The following ARHGAP6 variants were observed in gnomAD, a reference collection of about 807,000 sequenced individuals.
The protein encoded by ARHGAP6 is Rho GTPase activating protein 6.
Under a neutral mutation model 55.7 loss-of-function variants are expected in ARHGAP6, and 16 were observed. The observed-to-expected ratio is 0.29, with a 90% confidence interval of 0.19 to 0.44. The LOEUF (loss-of-function observed/expected upper bound fraction) is 0.44. Ranked by LOEUF, ARHGAP6 falls within the 20% of genes least tolerant of loss-of-function variation. The pLI, the probability that ARHGAP6 is intolerant of heterozygous loss-of-function variation, is 1.00. For synonymous variants in ARHGAP6, 382 were observed against 360.9 expected (o/e 1.06, Z -0.66); for missense variants, 698 against 808.9 (o/e 0.86, Z 1.66).
intron 9 of ARHGAP6, among the ~76,000 whole-genome samples, chrX:11,161,114 T>A (rs747549177): frequency 2.7e-5 from 3 of 111,989 alleles, no homozygotes; most frequent in African/African-American, 9.7e-5. Context: ...AGGTAAAAAA[T>A]TTGAAATGAT....
intron 1 of ARHGAP6, among the ~76,000 whole-genome samples, chrX:11,292,670 A>T (rs925927150): frequency 1.2e-4 from 13 of 112,094 alleles, no homozygotes; most frequent in Non-Finnish European, 2.1e-4. Context: ...CTTGTAAAAA[A>T]CAAAATTTAC....
chrX:11,642,745 A>T (rs1424168969), intron 1 of ARHGAP6, among the ~76,000 whole-genome samples: 1 of 111,698 alleles, frequency 9.0e-6, no homozygotes, highest in Non-Finnish European at 1.9e-5. Context: ...CAACTGGAAG[A>T]TCCACAGAGA....
intron 1 of ARHGAP6, among the ~76,000 whole-genome samples, chrX:11,345,240 T>G (rs1484151477): frequency 9.1e-6 from 1 of 110,011 alleles, no homozygotes; most frequent in Non-Finnish European, 1.9e-5. Context: ...ATATATACTA[T>G]AAAATCAATA....
chrX:11,312,450 C>T (rs1160298528), intron 1 of ARHGAP6, among the ~76,000 whole-genome samples: 2 of 111,826 alleles, frequency 1.8e-5, no homozygotes, highest in Non-Finnish European at 3.8e-5. Flanking sequence ...CAAATACTAT[C>T]TCCAAACCAA....
chrX:11,600,042 A>G (rs2051951049), intron 1 of ARHGAP6, among the ~76,000 whole-genome samples: 1 of 111,481 alleles, frequency 9.0e-6, no homozygotes, highest in African/African-American at 3.3e-5. Context: ...ATAATACCCT[A>G]TGTTCTAGGG....
At chrX:11,630,866 T>G (rs981203519) in intron 1 of ARHGAP6, among the ~76,000 whole-genome samples, 4 of 112,278 alleles carry the variant, frequency 3.6e-5, no homozygotes, top group Non-Finnish European at 7.5e-5. Flanking sequence ...AATGTTAATA[T>G]GAATAGCATC....
At chrX:11,146,260 G>T (rs761744408) in intron 10 of ARHGAP6, among the ~76,000 whole-genome samples, 92 of 112,606 alleles carry the variant, frequency 8.2e-4, no homozygotes, top group Non-Finnish European at 1.5e-3. Context: ...AGTGTTCTCT[G>T]CTCTTCTGGT....
chrX:11,570,670 C>T (rs981998290), intron 1 of ARHGAP6, among the ~76,000 whole-genome samples: 10 of 111,276 alleles, frequency 9.0e-5, no homozygotes, highest in Non-Finnish European at 1.5e-4. Context: ...TTTACATAGC[C>T]CACAATCATA....
At chrX:11,292,990 C>G (rs966090712) in intron 1 of ARHGAP6, among the ~76,000 whole-genome samples, 3 of 112,128 alleles carry the variant, frequency 2.7e-5, no homozygotes, top group African/African-American at 9.7e-5. Flanking sequence ...GAATTTGAAT[C>G]AATTTCTCCT....
intron 1 of ARHGAP6, among the ~76,000 whole-genome samples, chrX:11,631,439 T>G (rs1258179065): frequency 9.1e-6 from 1 of 109,853 alleles, no homozygotes; most frequent in Non-Finnish European, 1.9e-5. Context: ...GGTAGGAGAA[T>G]TGCTTGAACC....
chrX:11,512,741 C>G (rs1200408694), intron 1 of ARHGAP6, among the ~76,000 whole-genome samples: 1 of 111,691 alleles, frequency 9.0e-6, no homozygotes, highest in African/African-American at 3.3e-5. Flanking sequence ...CCACCCTAGA[C>G]CTGCTGACTT....
chrX:11,548,721 G>A (rs773108446), intron 1 of ARHGAP6, among the ~76,000 whole-genome samples: 2 of 110,810 alleles, frequency 1.8e-5, no homozygotes, highest in African/African-American at 6.6e-5. Context: ...TGATTCTCCT[G>A]CCTCAGCCTC....
At chrX:11,427,823 AG>A in intron 1 of ARHGAP6, 1 of 283,347 alleles carries the variant, frequency 3.5e-6, no homozygotes, top group Non-Finnish European at 4.3e-6. Flanking sequence ...GAAGAGGAGG[AG>A]GAGGAGGAGG....
Position 11,450,625 on chromosome X carries a change from A to G in ARHGAP6, c.589-195918T>C, listed in dbSNP as rs765382771. Among the ~76,000 whole-genome samples the G allele has an allele frequency of 3.6e-5, 4 of 111,657 alleles. No homozygotes were observed. In the South Asian group the frequency reaches 1.5e-3, roughly 43 times the overall value. The stretch of plus-strand genomic sequence containing the variant: ...CTCACCCCGAAGAAATCCGTTTTAC[A>G]GCATCAGATTCATACACTGGTTCTG... On this transcript the variant is annotated intron_variant, in intron 1 of 12. Transcript: ENST00000337414.
intron 1 of ARHGAP6, among the ~76,000 whole-genome samples, chrX:11,592,734 T>C (rs747726806): frequency 4.5e-5 from 5 of 111,590 alleles, no homozygotes; most frequent in Admixed American, 2.9e-4. Context: ...AAAGAGAAGA[T>C]GTGCTTGCCC....
chrX:11,623,535 A>AG (rs1443179514), intron 1 of ARHGAP6, among the ~76,000 whole-genome samples: 1 of 108,986 alleles, frequency 9.2e-6, no homozygotes, highest in African/African-American at 3.3e-5. Context: ...ACTAAAAAAA[A>AG]AAAATACAAA....
intron 1 of ARHGAP6, among the ~76,000 whole-genome samples, chrX:11,570,544 A>G (rs2051501487): frequency 9.1e-6 from 1 of 110,336 alleles, no homozygotes; most frequent in South Asian, 3.9e-4. Flanking sequence ...TATAATTTCA[A>G]TCTCTCAGCA....
At chrX:11,534,209 T>A (rs2051079892) in intron 1 of ARHGAP6, among the ~76,000 whole-genome samples, 1 of 111,908 alleles carries the variant, frequency 8.9e-6, no homozygotes, top group Non-Finnish European at 1.9e-5. Flanking sequence ...AGTGCTCTCA[T>A]GGGAATTAAA....
intron 10 of ARHGAP6, among the ~76,000 whole-genome samples, chrX:11,153,325 G>C (rs189122154): frequency 6.4e-5 from 7 of 109,485 alleles, no homozygotes; most frequent in Admixed American, 9.8e-5. Context: ...AGGAGTTCGA[G>C]ACCAGTCTGG....
Sources: gnomAD v4.1 joint callset for allele counts (sites outside exome capture counted in the v4.1 genomes callset) on GRCh38, gnomAD v4.1.1 for gene constraint, MANE v1.5 for transcripts, NCBI Gene and HGNC (gene_info 2026-07-23, HGNC 2026-07-21) for gene names.